ARB2A: variants seen among roughly 807,000 people sequenced by gnomAD.
ARB2A encodes the protein ARB2 cotranscriptional regulator A.
the ARB2A span, among the ~76,000 whole-genome samples, chr5:94,073,427 C>T: frequency 6.6e-6 from 1 of 151,974 alleles, no homozygotes; most frequent in Non-Finnish European, 1.5e-5. Flanking sequence ...AGAAGTTAAG[C>T]AACTTGTTCA....
chr5:93,758,194 A>G, the ARB2A span, among the ~76,000 whole-genome samples: 5 of 152,180 alleles, frequency 3.3e-5, no homozygotes, highest in Admixed American at 3.3e-4. Flanking sequence ...ACAGGAAAAT[A>G]TCACAATCCT....
the ARB2A span, among the ~76,000 whole-genome samples, chr5:94,068,037 T>C: frequency 1.3e-5 from 2 of 152,146 alleles, no homozygotes; most frequent in Non-Finnish European, 2.9e-5. Flanking sequence ...GAGGCCGAAG[T>C]GTGCGGATCA....
chr5:93,991,606 C>G, the ARB2A span, among the ~76,000 whole-genome samples: 1 of 150,110 alleles, frequency 6.7e-6, no homozygotes, highest in South Asian at 2.1e-4. Context: ...ATGGAACTGC[C>G]AAGAACTGAA....
the ARB2A span, among the ~76,000 whole-genome samples, chr5:93,757,478 A>G: frequency 6.6e-6 from 1 of 152,228 alleles, no homozygotes; most frequent in Non-Finnish European, 1.5e-5. Context: ...GCTGTAAGAC[A>G]GAAGCACCAG....
chr5:93,881,504 T>C, the ARB2A span: 1 of 1,610,788 alleles, frequency 6.2e-7, no homozygotes, highest in Non-Finnish European at 8.5e-7. Context: ...TTTTTCTCTT[T>C]GGGGGTTACG....
the ARB2A span, among the ~76,000 whole-genome samples, chr5:94,005,934 G>T: frequency 2.0e-5 from 3 of 152,164 alleles, no homozygotes; most frequent in Non-Finnish European, 4.4e-5. Flanking sequence ...CTGCTGGTGG[G>T]AATGTAAAAT....
the ARB2A span, among the ~76,000 whole-genome samples, chr5:93,945,533 T>G: frequency 3.3e-5 from 5 of 152,038 alleles, no homozygotes; most frequent in African/African-American, 1.2e-4. Context: ...GCATAATGAT[T>G]TTAAAAAACA....
At chr5:93,734,703 T>G in the ARB2A span, 1 of 152,204 alleles carries the variant, frequency 6.6e-6, no homozygotes, top group South Asian at 2.1e-4. Context: ...TATGAAGACT[T>G]TGGAGTGTTT....
At chr5:93,819,100 G>A in the ARB2A span, among the ~76,000 whole-genome samples, 5 of 150,432 alleles carry the variant, frequency 3.3e-5, no homozygotes, top group East Asian at 9.8e-4. Flanking sequence ...GCAGGAGAAT[G>A]GCGTGAACCC....
At chr5:94,036,067 T>C in the ARB2A span, among the ~76,000 whole-genome samples, 2 of 152,112 alleles carry the variant, frequency 1.3e-5, no homozygotes, top group Non-Finnish European at 2.9e-5. Context: ...TCACTGGCCA[T>C]TGTTTTTATC....
the ARB2A span, among the ~76,000 whole-genome samples, chr5:93,778,570 T>G: frequency 3.3e-5 from 5 of 152,124 alleles, no homozygotes; most frequent in Non-Finnish European, 1.5e-5. Context: ...TTTTAAACAA[T>G]TCAGTCTTTT....
the ARB2A span, among the ~76,000 whole-genome samples, chr5:93,660,764 G>A: frequency 6.6e-6 from 1 of 152,148 alleles, no homozygotes; most frequent in Admixed American, 6.6e-5. Context: ...AGGGGTACCA[G>A]TTAGGTGAAG....
the ARB2A span, chr5:93,620,861 T>C: frequency 7.6e-7 from 1 of 1,318,216 alleles, no homozygotes; most frequent in Non-Finnish European, 1.0e-6. Context: ...TAGATGTATA[T>C]ATCACGACCC....
chr5:93,963,055 T>C, the ARB2A span, among the ~76,000 whole-genome samples: 1 of 152,062 alleles, frequency 6.6e-6, no homozygotes, highest in Non-Finnish European at 1.5e-5. Flanking sequence ...TCAATATTAA[T>C]TGTGTTGTAT....
chr5:93,717,476 T>C, the ARB2A span, among the ~76,000 whole-genome samples: 1 of 150,200 alleles, frequency 6.7e-6, no homozygotes, highest in Admixed American at 6.7e-5. Flanking sequence ...AAAGGAAGAG[T>C]TGGCTTTGGA....
At chr5:93,688,958 T>C in the ARB2A span, among the ~76,000 whole-genome samples, 1 of 152,206 alleles carries the variant, frequency 6.6e-6, no homozygotes, top group Non-Finnish European at 1.5e-5. Context: ...CCATTACCCT[T>C]ATCACAGCTA....
At chr5:94,041,656 T>G in the ARB2A span, among the ~76,000 whole-genome samples, 1 of 152,176 alleles carries the variant, frequency 6.6e-6, no homozygotes, top group Non-Finnish European at 1.5e-5. Context: ...AATAAAAATA[T>G]CTTCAAAATG....
the ARB2A span, among the ~76,000 whole-genome samples, chr5:94,088,710 C>G: frequency 6.6e-6 from 1 of 152,012 alleles, no homozygotes; most frequent in African/African-American, 2.4e-5. Flanking sequence ...AAAAGTAAGC[C>G]CTTTTGAAAA....
the ARB2A span, chr5:93,739,473 G>C: frequency 5.3e-5 from 8 of 152,050 alleles, no homozygotes; most frequent in Admixed American, 5.2e-4. Context: ...ACATTGACAA[G>C]ATTACTATCC....
Sources: gnomAD v4.1 joint callset for allele counts (sites outside exome capture counted in the v4.1 genomes callset) on GRCh38, gnomAD v4.1.1 for gene constraint, MANE v1.5 for transcripts, NCBI Gene and HGNC (gene_info 2026-07-23, HGNC 2026-07-21) for gene names.